The following TEX36 variants were observed in gnomAD, a reference collection of about 807,000 sequenced individuals.
The protein encoded by TEX36 is testis-expressed protein 36.
A neutral mutation model predicts 13.6 loss-of-function variants in TEX36; 12 were observed. That is an observed-to-expected ratio of 0.88 (90% CI 0.56 to 1.43). The LOEUF (loss-of-function observed/expected upper bound fraction) is 1.43. Ranked by LOEUF, TEX36 falls within the 40% of genes most tolerant of loss-of-function variation. TEX36 has a pLI of 0.00. For synonymous variants in TEX36, 93 were observed against 83.0 expected (o/e 1.12, Z -0.65); for missense variants, 224 against 228.3 (o/e 0.98, Z 0.12).
chr10:125,607,871 G>A (rs1444246214), intron 3 of TEX36, among the ~76,000 whole-genome samples: 1 of 152,156 alleles, frequency 6.6e-6, no homozygotes, highest in Non-Finnish European at 1.5e-5. Context: ...AGTTTGGACT[G>A]TCTGAGGCTG....
intron 3 of TEX36, among the ~76,000 whole-genome samples, chr10:125,648,811 C>T (rs1335193983): frequency 6.6e-6 from 1 of 152,016 alleles, no homozygotes; most frequent in Non-Finnish European, 1.5e-5. Context: ...GTAGAGAAGT[C>T]CTTAAATAAT....
At chr10:125,591,016 C>G (rs1019764197) in intron 3 of TEX36, among the ~76,000 whole-genome samples, 1 of 152,092 alleles carries the variant, frequency 6.6e-6, no homozygotes, top group Non-Finnish European at 1.5e-5. Context: ...CACAACGGGC[C>G]CTGCCTGCAC....
intron 3 of TEX36, among the ~76,000 whole-genome samples, chr10:125,632,280 G>C (rs531258185): frequency 6.6e-6 from 1 of 152,100 alleles, no homozygotes; most frequent in Non-Finnish European, 1.5e-5. Context: ...GACGTCCAGG[G>C]AGCAAGTCCA....
chr10:125,643,988 G>C (rs1431878791), intron 3 of TEX36, among the ~76,000 whole-genome samples: 1 of 152,136 alleles, frequency 6.6e-6, no homozygotes. Flanking sequence ...GTCACAAAAT[G>C]TTTGCACCAT....
intron 1 of TEX36, among the ~76,000 whole-genome samples, chr10:125,665,854 T>C (rs78970611): frequency 0.074 from 11,324 of 152,248 alleles, 1,084 homozygotes; most frequent in African/African-American, 0.22. Flanking sequence ...TTTCCATTTG[T>C]TTGTGTCATC....
At chr10:125,643,518 C>T (rs545572960) in intron 3 of TEX36, among the ~76,000 whole-genome samples, 4 of 152,080 alleles carry the variant, frequency 2.6e-5, no homozygotes, top group East Asian at 3.9e-4. Context: ...CTGAGGAGGG[C>T]GGATCACGAG....
At chr10:125,626,898 G>C (rs79770760) in intron 3 of TEX36, among the ~76,000 whole-genome samples, 4 of 152,124 alleles carry the variant, frequency 2.6e-5, no homozygotes, top group Admixed American at 2.6e-4. Flanking sequence ...CCTCCAGCAC[G>C]ACCTCCTGGA....
intron 3 of TEX36, among the ~76,000 whole-genome samples, chr10:125,649,261 T>C (rs1205572992): frequency 6.6e-6 from 1 of 152,186 alleles, no homozygotes; most frequent in East Asian, 1.9e-4. Flanking sequence ...GAGAGAAATA[T>C]TGGATTACCC....
intron 3 of TEX36, among the ~76,000 whole-genome samples, chr10:125,595,598 C>A (rs531041076): frequency 6.6e-6 from 1 of 152,314 alleles, no homozygotes; most frequent in Non-Finnish European, 1.5e-5. Flanking sequence ...CTGTCCTGCC[C>A]TCTACTGCTG....
downstream of TEX36, among the ~76,000 whole-genome samples, chr10:125,619,065 G>T (rs1011090530): frequency 6.6e-6 from 1 of 151,470 alleles, no homozygotes; most frequent in Non-Finnish European, 1.5e-5. Flanking sequence ...GGGAGGTGGA[G>T]CTTGCAGTGA....
At chr10:125,659,759 T>C (rs754182405) in intron 3 of TEX36, among the ~76,000 whole-genome samples, 2 of 152,164 alleles carry the variant, frequency 1.3e-5, no homozygotes, top group Non-Finnish European at 2.9e-5. Flanking sequence ...GCCTGTAGGA[T>C]TGTTGTGAGG....
chr10:125,612,066 CTTTTCT>C (rs1003065074), intron 3 of TEX36, among the ~76,000 whole-genome samples: 14 of 149,910 alleles, frequency 9.3e-5, no homozygotes, highest in Admixed American at 1.3e-4. Flanking sequence ...CTTTTCTTTT[CTTTTCT>C]TTTTCTTTTT....
At chr10:125,653,678 C>A (rs1846900405), downstream of TEX36, among the ~76,000 whole-genome samples, 1 of 151,872 alleles carries the variant, frequency 6.6e-6, no homozygotes, top group South Asian at 2.1e-4. Context: ...ATATTTGACA[C>A]AAAAGCTTAA....
chr10:125,612,660 C>A (rs1279967297), intron 3 of TEX36, among the ~76,000 whole-genome samples: 1 of 152,104 alleles, frequency 6.6e-6, no homozygotes, highest in Admixed American at 6.5e-5. Flanking sequence ...CAGTAGCTCC[C>A]TTAGTAATCC....
chr10:125,662,719 A>G lies in TEX36; in HGVS notation c.52-742T>C, dbSNP rs371540226. Among the ~76,000 whole-genome samples the G allele has an allele frequency of 5.3e-5, 8 of 152,210 alleles. No homozygotes were observed. In the East Asian group the frequency reaches 9.7e-4, roughly 18 times the overall value. ...GGACCCAGTCTCTGTGCACCAAGCA[A>G]TGAGGCATTGGATTTATTCCTGAGC... is the stretch of plus-strand genomic sequence containing the variant. On this transcript the variant is annotated intron_variant, in intron 1 of 3. Coordinates refer to ENST00000368821, the MANE Select transcript of TEX36 (RefSeq NM_001128202.3).
chr10:125,587,786 T>TA (rs56198506), intron 3 of TEX36, among the ~76,000 whole-genome samples: 4,340 of 101,842 alleles, frequency 0.043, 81 homozygotes, highest in Middle Eastern at 0.079. Context: ...GTCTCAAAAT[T>TA]AAAAAAAAAA....
chr10:125,622,052 T>C (rs943140254), intron 3 of TEX36, among the ~76,000 whole-genome samples: 6 of 152,152 alleles, frequency 3.9e-5, no homozygotes, highest in African/African-American at 1.4e-4. Flanking sequence ...CTACCACCCA[T>C]GTAGCCATTC....
intron 3 of TEX36, among the ~76,000 whole-genome samples, chr10:125,646,269 T>A (rs1846767108): frequency 6.6e-6 from 1 of 152,080 alleles, no homozygotes; most frequent in South Asian, 2.1e-4. Context: ...AAGGTTGCAG[T>A]GAGACATGAT....
At chr10:125,582,754 T>C (rs1360547023) in intron 3 of TEX36, among the ~76,000 whole-genome samples, 1 of 152,212 alleles carries the variant, frequency 6.6e-6, no homozygotes, top group Non-Finnish European at 1.5e-5. Context: ...TTATTTCACT[T>C]TGGGTTGCTA....
Sources: allele counts gnomAD v4.1 joint callset (sites outside exome capture counted in the v4.1 genomes callset), GRCh38; gene constraint gnomAD v4.1.1; transcripts MANE v1.5; gene names NCBI Gene and HGNC (gene_info 2026-07-23, HGNC 2026-07-21).